The following EOMES variants were observed in gnomAD, a reference collection of about 807,000 sequenced individuals.
EOMES encodes eomesodermin, also known as eomesodermin homolog.
A neutral mutation model predicts 61.0 loss-of-function variants in EOMES; 18 were observed. The observed-to-expected ratio is 0.30, with a 90% CI of 0.20 to 0.44. The LOEUF is 0.44. Ranked by LOEUF, EOMES falls within the 20% of genes least tolerant of loss-of-function variation. EOMES has a pLI of 1.00. For missense variants in EOMES, 885 were observed against 939.2 expected (o/e 0.94, Z 0.75); for synonymous variants, 430 against 394.0 (o/e 1.09, Z -1.08).
chr3:27,721,654 G>A lies in EOMES; in HGVS notation c.641C>T (p.Ala214Val), dbSNP rs746252799. Residue 214 changes from alanine (A) to valine (V), a missense_variant, in exon 1 of 6, where the codon GCG becomes GTG. By Grantham distance (64) the Ala-to-Val change is moderately conservative (BLOSUM62 0). Coordinates refer to ENST00000449599, the MANE Select transcript of EOMES (RefSeq NM_001278182.2). The surrounding 1 kb of genome is among the most constrained non-coding windows in gnomAD (Gnocchi z 7.4). ...GRAQFGPGAG[A>V]GSGAGGSSGG... ...GCTGCTACCGCCCGCGCCACTGCCC[G>A]CACCGGCTCCTGGGCCGAACTGCGC... The A allele has an allele frequency of 8.4e-6, 13 of 1,539,466 alleles. No individual in the cohort carries two copies. The highest frequency in any genetic ancestry group is 1.1e-5 in the Non-Finnish European group (13 of 1,145,906).
chr3:27,718,287 A>T (rs1344054564), intron 5 of EOMES, among the ~76,000 whole-genome samples: 6 of 152,122 alleles, frequency 3.9e-5, no homozygotes, highest in Admixed American at 3.9e-4. Flanking sequence ...AGGATAAAAA[A>T]ATGGATCAAA....
At position 27,717,061 on chromosome 3, in the gene EOMES, A is replaced by G. The variant is rs2060573590; in HGVS notation, c.*9T>C. ...AAAGTTAGCTAATTTTTGAGGTTAAAATAACTCTTTAGGGAGTTGTGTAAA... is the reference window on the plus strand; with the variant it reads ...AAAGTTAGCTAATTTTTGAGGTTAAGATAACTCTTTAGGGAGTTGTGTAAA... On this transcript the variant is annotated 3_prime_UTR_variant, in exon 6 of 6. Coordinates refer to ENST00000449599, the MANE Select transcript of EOMES (RefSeq NM_001278182.2). This position sits in a 1 kb window ranked among gnomAD's most constrained non-coding sequence, Gnocchi z 4.5. The G allele has an allele frequency of 6.3e-7, 1 of 1,582,494 alleles. No homozygotes were observed. The highest frequency in any genetic ancestry group is 8.6e-7 in the Non-Finnish European group (1 of 1,163,076).
rs1254531900 is a variant in EOMES, at chr3:27,716,984, T to C, written c.*86A>G. On this transcript the variant is annotated 3_prime_UTR_variant, in exon 6 of 6. Coordinates refer to ENST00000449599, the MANE Select transcript of EOMES (RefSeq NM_001278182.2). ...TCAAGGTGGAAGGCAAACATCTTTT[T>C]GGCAACCTAGGCAAAGAAGACAACA... The C allele has an allele frequency of 9.6e-7, 1 of 1,045,782 alleles. No individual in the cohort carries two copies. The highest frequency in any genetic ancestry group is 1.6e-5 in the African/African-American group (1 of 62,934). The allele number at this position is 1,045,782 out of a possible 1,614,324, so 64.8% of individuals were successfully genotyped here.
chr3:27,717,864 A>G lies in EOMES; in HGVS notation c.1380-56T>C, dbSNP rs976412173. The G allele has an allele frequency of 8.7e-6, 11 of 1,264,586 alleles. No homozygotes were observed. The highest frequency in any genetic ancestry group is 6.0e-5 in the African/African-American group (4 of 66,148). 78.3% of individuals were successfully genotyped at this position (1,264,586 alleles called of 1,614,324 possible). A position where few individuals can be genotyped will look rare whatever the true frequency, so the allele number is the denominator to read the frequency against. ...AAAAAAAACCCTAATGTTGTCCCCAAACAAACCACCTCCCAGAAATGAAAA... is the reference window on the plus strand; with the variant it reads ...AAAAAAAACCCTAATGTTGTCCCCAGACAAACCACCTCCCAGAAATGAAAA... On this transcript the variant is annotated intron_variant, in intron 5 of 5. Transcript: ENST00000449599. This position sits in a 1 kb window ranked among gnomAD's most constrained non-coding sequence, Gnocchi z 4.5.
chr3:27,719,837 T>C (rs1456586374), intron 2 of EOMES, among the ~76,000 whole-genome samples: 2 of 151,994 alleles, frequency 1.3e-5, no homozygotes, highest in African/African-American at 2.4e-5. Flanking sequence ...AACTAAACTT[T>C]GGCTGGGCTT....
In EOMES at chr3:27,720,262, C is replaced by G; in HGVS notation, c.945G>C (p.Val315=). The G allele has an allele frequency of 6.2e-7, 1 of 1,613,516 alleles. No individual in the cohort carries two copies. The highest frequency in any genetic ancestry group is 2.2e-5 in the East Asian group (1 of 44,860). ...GGTCCGCCAGCACCACCTCTACGAACACATTGTAGTGGGCAGTGGGATTGA... is the reference window on the plus strand; with the variant it reads ...GGTCCGCCAGCACCACCTCTACGAAGACATTGTAGTGGGCAGTGGGATTGA... ...NGLNPTAHYN[V]FVEVVLADPN... is the part of the protein sequence containing the mutation. Residue 315 remains valine, a synonymous_variant, in exon 2 of 6, where the codon GTG becomes GTC. Transcript: ENST00000449599.
rs200789175 is a variant in EOMES, at chr3:27,722,279, G to C, written c.16C>G (p.Gln6Glu). MQLGE[Q>E]LLVSSVNLPG... Reference sequence around the variant, plus strand: ...AGGTTCACTGAGCTCACCAAGAGCTGCTCCCCTAACTGCATGCTTTGCAAA... The same window carrying C: ...AGGTTCACTGAGCTCACCAAGAGCTCCTCCCCTAACTGCATGCTTTGCAAA... Residue 6 changes from glutamine to glutamate, a missense_variant, in exon 1 of 6, where the codon CAG becomes GAG. Around this residue, in one of 3 missense-constraint regions of EOMES, gnomAD observed 449 missense variants for 383.6 expected, o/e 1.17. Coordinates refer to ENST00000449599, the MANE Select transcript of EOMES (RefSeq NM_001278182.2). 7.3e-3 allele frequency: 11,616 copies of C among 1,591,464 alleles called. 46 individuals are homozygous for C. The highest frequency in any genetic ancestry group is 9.0e-3 in the Non-Finnish European group (10,538 of 1,171,168).
chr3:27,719,735 G>C (rs565630659), intron 2 of EOMES, among the ~76,000 whole-genome samples: 4 of 152,264 alleles, frequency 2.6e-5, no homozygotes, highest in Admixed American at 1.3e-4. Context: ...TAGAAACGGA[G>C]CTAACAAGAG....
chr3:27,718,587 G>C lies in EOMES; in HGVS notation c.1379C>G (p.Ser460Cys), dbSNP rs771819862. The part of the protein sequence containing the change: ...FAKGFRDNYD[S>C]MYTASENDRL... ...AAGTGTGGATAAAAGCTGCACTTAC[G>C]AATCATAGTTGTCTCTGAAGCCTTT... The change falls in exon 5 of 6, where the codon TCC becomes TGC. Residue 460 changes from serine to cysteine, a missense_variant and splice_region_variant. This residue lies in a region of EOMES where 177 missense variants were observed against 273.3 expected (regional missense o/e 0.65). Coordinates refer to ENST00000449599, the MANE Select transcript of EOMES (RefSeq NM_001278182.2). 1 of 1,606,254 alleles carries C rather than the reference G, an allele frequency of 6.2e-7. No individual in the cohort carries two copies. The highest frequency in any genetic ancestry group is 1.7e-5 in the Admixed American group (1 of 59,852).
At chr3:27,722,330 T>A, upstream of EOMES, 1 of 1,485,902 alleles carries the variant, frequency 6.7e-7, no homozygotes, top group Non-Finnish European at 8.9e-7. Context: ...GGCTGCTTCC[T>A]CTCCTCCGGT....
At position 27,716,701 on chromosome 3, in the gene EOMES, T is replaced by C. The variant is rs2060571303; in HGVS notation, c.*369A>G. The stretch of plus-strand genomic sequence containing the variant: ...CACTCGGCTTCTATTTGCTTAAGAA[T>C]TTACAAATAGAAATGAGAATCAAAG... On this transcript the variant is annotated 3_prime_UTR_variant, in exon 6 of 6. Coordinates refer to ENST00000449599, the MANE Select transcript of EOMES (RefSeq NM_001278182.2). The C allele has an allele frequency of 5.5e-6, 1 of 180,960 alleles. No homozygotes were observed. Among genetic ancestry groups the C allele is most frequent in the African/African-American group, 2.4e-5 (1 of 42,292 alleles). 11.2% of individuals were successfully genotyped at this position (180,960 alleles called of 1,614,324 possible).
Position 27,717,340 on chromosome 3 carries a change from G to T in EOMES, c.1848C>A (p.Pro616=), listed in dbSNP as rs1267840518. 6.2e-7 allele frequency: 1 copy of T among 1,614,184 alleles called. No homozygotes were observed. The highest frequency in any genetic ancestry group is 8.5e-7 in the Non-Finnish European group (1 of 1,180,026). Residue 616 remains proline (P), a synonymous_variant, in exon 6 of 6, where the codon CCC becomes CCA. Coordinates refer to ENST00000449599, the MANE Select transcript of EOMES (RefSeq NM_001278182.2). The surrounding 1 kb of genome is among the most constrained non-coding windows in gnomAD (Gnocchi z 4.5). ...AGLPWTSRTS[P]TVFSEDQLSK... is the part of the protein sequence containing the mutation. ...AGAGCTGATCTTCAGAGAACACAGT[G>T]GGGCTTGTTCTGGAGGTCCATGGTA...
In EOMES at chr3:27,717,161, G is replaced by A. The variant is rs779491803; in HGVS notation, c.2027C>T (p.Ser676Phe). 2 of 1,612,996 alleles carry A rather than the reference G, an allele frequency of 1.2e-6. No homozygotes were observed. Among genetic ancestry groups the A allele is most frequent in the South Asian group, 1.1e-5 (1 of 91,074 alleles). Residue 676 changes from serine (S) to phenylalanine (F), a missense_variant, in exon 6 of 6, where the codon TCC (serine) becomes TTC (phenylalanine). Transcript: ENST00000449599. This position sits in a 1 kb window ranked among gnomAD's most constrained non-coding sequence, Gnocchi z 4.5. ...AGCATTAATGTCCTCACACTTTATG[G>A]AGGGTGAATTTTCATTACTGGAGTT... ...PSNSSNENSP[S>F]IKCEDINAEE...
Position 27,717,618 on chromosome 3 carries a change from G to C in EOMES, c.1570C>G (p.Pro524Ala). 6.2e-7 allele frequency: 1 copy of C among 1,614,112 alleles called. No homozygotes were observed. Among genetic ancestry groups the C allele is most frequent in the Non-Finnish European group, 8.5e-7 (1 of 1,179,998 alleles). ...TVPQTNGLLSPQQSEEVANPP... is the reference protein window; with the variant it reads ...TVPQTNGLLSAQQSEEVANPP... ...TTGGCCACCTCTTCGCTCTGTTGGG[G>C]TGAAAGGAGGCCGTTGGTCTGTGGC... The change falls in exon 6 of 6, where the codon CCC becomes GCC. Residue 524 changes from proline to alanine, a missense_variant. Around this residue, in one of 3 missense-constraint regions of EOMES, gnomAD observed 259 missense variants for 282.3 expected, o/e 0.92. Coordinates refer to ENST00000449599, the MANE Select transcript of EOMES (RefSeq NM_001278182.2). The surrounding 1 kb of genome is among the most constrained non-coding windows in gnomAD (Gnocchi z 4.5).
chr3:27,718,680 A>T, intron 4 of EOMES, 32 bp from the exon 5 acceptor site: 1 of 1,612,376 alleles, frequency 6.2e-7, no homozygotes, highest in East Asian at 2.2e-5. Flanking sequence ...TCATTGAGTG[A>T]TTTATCATGC....
chr3:27,718,973 G>A, intron 3 of EOMES, 80 bp from the exon 4 acceptor site: 1 of 1,073,560 alleles, frequency 9.3e-7, no homozygotes, highest in East Asian at 2.5e-5. Flanking sequence ...GACAAATTAT[G>A]TATTTTGGTA....
At chr3:27,722,446 C>T, upstream of EOMES, 2 of 1,366,826 alleles carry the variant, frequency 1.5e-6, no homozygotes, top group Non-Finnish European at 1.9e-6. Context: ...ACTCGCGGGC[C>T]GCTACTGCGC....
chr3:27,718,908 G>GA lies in EOMES; in HGVS notation c.1159-16dup, dbSNP rs780524748. 9 of 1,579,390 alleles carry GA rather than the reference G, an allele frequency of 5.7e-6. No individual in the cohort carries two copies. The highest frequency in any genetic ancestry group is 4.5e-5 in the East Asian group (2 of 44,492). ...AAGACTATCATCTGGAAAGAGTACA[G>GA]AAAAAAATTGCTAAATCTAAAAAGC... On this transcript the variant is annotated splice_polypyrimidine_tract_variant and intron_variant, in intron 3 of 5. Transcript: ENST00000449599.
At position 27,722,106 on chromosome 3, in the gene EOMES, C is replaced by A. The variant is rs2060620831; in HGVS notation, c.189G>T (p.Ala63=). ...KKFSGSLSCE[A]VSGEPAAASA... The stretch of plus-strand genomic sequence containing the variant: ...TGGCGGCTGCGGGCTCCCCGCTCAC[C>A]GCCTCGCAGGAGAGACTGCCGGAAA... Residue 63 remains alanine, a synonymous_variant, in exon 1 of 6, where the codon GCG becomes GCT. Coordinates refer to ENST00000449599, the MANE Select transcript of EOMES (RefSeq NM_001278182.2). 1.3e-6 allele frequency: 2 copies of A among 1,549,394 alleles called. No homozygotes were observed. The highest frequency in any genetic ancestry group is 1.2e-5 in the South Asian group (1 of 83,996).
Sources: gnomAD v4.1 joint callset for allele counts (sites outside exome capture counted in the v4.1 genomes callset) on GRCh38, gnomAD v4.1.1 for gene constraint, gnomAD v4.1.1 regional missense constraint, Gnocchi (gnomAD v3.1) non-coding constraint, MANE v1.5 for transcripts, NCBI Gene and HGNC (gene_info 2026-07-23, HGNC 2026-07-21) for gene names.